ZNF587: variants seen among roughly 807,000 people sequenced by gnomAD.
The protein encoded by ZNF587 is zinc finger protein 587.
Under a neutral mutation model 7.5 loss-of-function variants are expected in ZNF587, and 8 were observed. The ratio of observed to expected loss-of-function variants is 1.06; its 90% CI spans 0.62 to 1.92. The LOEUF (loss-of-function observed/expected upper bound fraction) is 1.92, where lower values mean the gene tolerates loss of function less well. Among genes scored for constraint, ZNF587 ranks in the 40% most tolerant of loss-of-function variants. The pLI is 0.00. For missense variants in ZNF587, 468 were observed against 692.8 expected (o/e 0.68, Z 3.64); for synonymous variants, 145 against 237.8 (o/e 0.61, Z 3.59).
rs933265512 is a variant in ZNF587 at position 57,861,239 on chromosome 19, G to C, written c.*1099G>C. 2.0e-5 allele frequency: 3 copies of C among 152,116 alleles called. No homozygotes were observed. Among genetic ancestry groups the C allele is most frequent in the African/African-American group, 7.2e-5 (3 of 41,418 alleles). The allele number at this position is 152,116 out of a possible 1,614,324, so 9.4% of individuals were successfully genotyped here. A position where few individuals can be genotyped will look rare whatever the true frequency, so the allele number is the denominator to read the frequency against. Reference sequence around the variant, plus strand: ...CTACCATCAGTGTCCAAGAATTTCTGTTCTATCTTACCAAGAGGGAGTATG... The same window carrying C: ...CTACCATCAGTGTCCAAGAATTTCTCTTCTATCTTACCAAGAGGGAGTATG... On this transcript the variant is annotated 3_prime_UTR_variant, in exon 3 of 3. Transcript: ENST00000339656.
At chr19:57,857,276 C>T (rs73565785) in intron 2 of ZNF587, 26,201 of 151,858 alleles carry the variant, frequency 0.17, 3,978 homozygotes, top group African/African-American at 0.4. Context: ...AAACCATTTA[C>T]ATTTGCCAAG....
At chr19:57,854,364 A>T (rs1264542671) in intron 1 of ZNF587, among the ~76,000 whole-genome samples, 1 of 151,770 alleles carries the variant, frequency 6.6e-6, no homozygotes, top group Non-Finnish European at 1.5e-5. Context: ...ATGATTTGGG[A>T]TTACCACTGC....
intron 1 of ZNF587, chr19:57,854,141 T>A (rs1427170618): frequency 6.6e-6 from 1 of 152,202 alleles, no homozygotes; most frequent in Non-Finnish European, 1.5e-5. Context: ...CTGGTGCATA[T>A]GGGCAGTGAA....
At chr19:57,854,684 A>C (rs542260874) in intron 1 of ZNF587, among the ~76,000 whole-genome samples, 1 of 151,936 alleles carries the variant, frequency 6.6e-6, no homozygotes, top group East Asian at 1.9e-4. Flanking sequence ...TTATGGAAAC[A>C]AACCATTGCA....
At position 57,860,177 on chromosome 19, in the gene ZNF587, C is replaced by T. The variant is rs1165243527; in HGVS notation, c.*37C>T. ...ATGGGAAATCGTTTGCTGAAGCATC[C>T]CGTCTCGTTAAACACAGGAGAGTTC... On this transcript the variant is annotated 3_prime_UTR_variant, in exon 3 of 3. Transcript: ENST00000339656. 1 of 1,613,870 alleles carries T rather than the reference C, an allele frequency of 6.2e-7. No individual in the cohort carries two copies. Among genetic ancestry groups the T allele is most frequent in the Admixed American group, 1.7e-5 (1 of 59,992 alleles).
intron 1 of ZNF587, 125 bp downstream of exon 1, chr19:57,850,196 A>G (rs928514102): frequency 2.3e-4 from 366 of 1,559,000 alleles, no homozygotes; most frequent in African/African-American, 6.0e-4. Flanking sequence ...TGAGGCGCTC[A>G]CAGGAGGCCT....
intron 2 of ZNF587, among the ~76,000 whole-genome samples, chr19:57,856,470 C>T (rs2071357822): frequency 6.6e-6 from 1 of 151,358 alleles, no homozygotes; most frequent in South Asian, 2.1e-4. Context: ...TACAGCGGCG[C>T]CATCTCGGCT....
chr19:57,850,655 TAGAAAG>T (rs2071270208), intron 1 of ZNF587: 5 of 398,852 alleles, frequency 1.3e-5, no homozygotes, highest in Admixed American at 4.4e-5. Flanking sequence ...ACAAAGGAGT[TAGAAAG>T]AGACAGAATA....
Position 57,858,588 on chromosome 19 carries a change from G to T in ZNF587, c.176G>T (p.Gly59Val). ...TTCTTGCTTTCAGGTTGTTGGTGTG[G>T]ATCAAAAGATGAGGAGGCACCTTGT... ...ALISSLGCWC[G>V]SKDEEAPCKQ... Residue 59 changes from glycine (G) to valine (V), a missense_variant, in exon 3 of 3, where the codon GGA becomes GTA. By Grantham distance (109) the Gly-to-Val change is moderately radical. This residue lies in a region of ZNF587 where 92 missense variants were observed against 89.7 expected (regional missense o/e 1.03). Transcript: ENST00000339656. 6.3e-7 allele frequency: 1 copy of T among 1,598,820 alleles called. No homozygotes were observed. The highest frequency in any genetic ancestry group is 8.5e-7 in the Non-Finnish European group (1 of 1,171,634).
chr19:57,859,930 G>T lies in ZNF587; in HGVS notation c.1518G>T (p.Ala506=), dbSNP rs145911124. 6.2e-7 allele frequency: 1 copy of T among 1,613,712 alleles called. No homozygotes were observed. Among genetic ancestry groups the T allele is most frequent in the Admixed American group, 1.7e-5 (1 of 59,972 alleles). The change falls in exon 3 of 3, where the codon GCG becomes GCT. Residue 506 remains alanine, a synonymous_variant. Coordinates refer to ENST00000339656, the MANE Select transcript of ZNF587 (RefSeq NM_032828.4). ...ECGKSFLSSS[A]LHVHKRVHSG... ...GGAAATCATTTCTTTCCAGCTCTGC[G>T]CTTCATGTTCATAAAAGAGTTCATT...
chr19:57,850,189 G>A (rs2071263143), intron 1 of ZNF587, 118 bp downstream of exon 1: 7 of 1,583,916 alleles, frequency 4.4e-6, no homozygotes, highest in South Asian at 1.1e-5. Context: ...GGAACACTGA[G>A]GCGCTCACAG....
chr19:57,852,560 C>T (rs1191419016), intron 1 of ZNF587, among the ~76,000 whole-genome samples: 2 of 149,996 alleles, frequency 1.3e-5, no homozygotes, highest in Non-Finnish European at 2.9e-5. Context: ...GAATTTCAGT[C>T]TTGTTGCCCA....
rs2071430403 is a variant in ZNF587, at chr19:57,861,406, T to TTG, written c.*1267_*1268dup. On this transcript the variant is annotated 3_prime_UTR_variant, in exon 3 of 3. Coordinates refer to ENST00000339656, the MANE Select transcript of ZNF587 (RefSeq NM_032828.4). ...AGTACCGTGGCACAATCTCAGCTCA[T>TTG]TGCAACCTCTGCTTCCTGGGCTCAA... The TTG allele has an allele frequency of 6.6e-6, 1 of 152,234 alleles. No homozygotes were observed. The highest frequency in any genetic ancestry group is 3.4e-3 in the Middle Eastern group (1 of 298). The allele number at this position is 152,234 out of a possible 1,614,324, so 9.4% of individuals were successfully genotyped here. A position where few individuals can be genotyped will look rare whatever the true frequency, so the allele number is the denominator to read the frequency against.
chr19:57,857,643 T>C (rs1177964778), intron 2 of ZNF587, among the ~76,000 whole-genome samples: 1 of 151,872 alleles, frequency 6.6e-6, no homozygotes, highest in African/African-American at 2.4e-5. Flanking sequence ...TGTGTATATG[T>C]ATATTTTTGA....
At chr19:57,852,998 A>ACC (rs2071301708) in intron 1 of ZNF587, among the ~76,000 whole-genome samples, 1 of 151,076 alleles carries the variant, frequency 6.6e-6, no homozygotes, top group Non-Finnish European at 1.5e-5. Context: ...GATTACAGGC[A>ACC]TGTACCACCA....
At chr19:57,850,778 T>C (rs897350525) in intron 1 of ZNF587, 4 of 390,246 alleles carry the variant, frequency 1.0e-5, no homozygotes, top group African/African-American at 6.2e-5. Flanking sequence ...TTTGTTCTTA[T>C]GGCTGATTGG....
intron 1 of ZNF587, chr19:57,850,610 C>G: frequency 2.5e-6 from 1 of 401,336 alleles, no homozygotes; most frequent in Non-Finnish European, 4.4e-6. Context: ...AAACCAGCCC[C>G]ACACCACCCA....
rs1478509595 is a variant in ZNF587, at chr19:57,864,130, T to G, written c.*3990T>G. On this transcript the variant is annotated 3_prime_UTR_variant, in exon 3 of 3. Transcript: ENST00000339656. ...ATGGGCTTAGATATTATCCCTAAAT[T>G]TTTTTTTTTTTTTTTTTTTTTGAGA... is the stretch of plus-strand genomic sequence containing the variant. The G allele has an allele frequency of 0.047, 1,426 of 30,360 alleles. 22 individuals are homozygous for G. The highest frequency in any genetic ancestry group is 0.11 in the African/African-American group (1,353 of 12,398). 1.9% of individuals were successfully genotyped at this position (30,360 alleles called of 1,614,324 possible). A position where few individuals can be genotyped will look rare whatever the true frequency, so the allele number is the denominator to read the frequency against.
At chr19:57,855,931 C>G in intron 1 of ZNF587, 173 bp from the exon 2 acceptor site, 1 of 1,139,736 alleles carries the variant, frequency 8.8e-7, no homozygotes, top group Non-Finnish European at 1.2e-6. Context: ...CTTCTTGTTG[C>G]TGATGGCATT....
Sources: gnomAD v4.1 joint callset for allele counts (sites outside exome capture counted in the v4.1 genomes callset) on GRCh38, gnomAD v4.1.1 for gene constraint, gnomAD v4.1.1 regional missense constraint, MANE v1.5 for transcripts, NCBI Gene and HGNC (gene_info 2026-07-23, HGNC 2026-07-21) for gene names.